Variants in MED13L observed in about 807,000 individuals in gnomAD.
The protein encoded by MED13L is mediator complex subunit 13L.
In MED13L, 7 loss-of-function variants were observed where a neutral mutation model predicts 220.9. The ratio of observed to expected loss-of-function variants is 0.03; its 90% CI spans 0.02 to 0.06. The LOEUF is 0.06. Ranked by LOEUF, MED13L falls within the 10% of genes least tolerant of loss-of-function variation. MED13L has a pLI of 1.00. For synonymous variants in MED13L, 1,011 were observed against 1,015.2 expected, an observed-to-expected ratio of 1.00 and a Z score of 0.08; for missense variants, 1,965 against 2,760.5, an observed-to-expected ratio of 0.71 and a Z score of 6.46.
intron 4 of MED13L, among the ~76,000 whole-genome samples, chr12:116,061,947 G>A (rs571768417): frequency 1.4e-5 from 2 of 146,492 alleles, no homozygotes; most frequent in East Asian, 4.2e-4. Flanking sequence ...GGCAGAGCTT[G>A]CAGTGAGCCG....
chr12:116,166,156 G>A (rs893837730), intron 2 of MED13L, among the ~76,000 whole-genome samples: 4 of 152,198 alleles, frequency 2.6e-5, no homozygotes, highest in Non-Finnish European at 4.4e-5. Context: ...TTGAGGCCAG[G>A]AGGTGAAGAA....
chr12:116,091,205 T>C (rs935509754), intron 4 of MED13L, among the ~76,000 whole-genome samples: 10 of 152,000 alleles, frequency 6.6e-5, no homozygotes, highest in Non-Finnish European at 1.5e-4. Context: ...GTATCTCTTT[T>C]ACTATAAGGT....
chr12:116,005,957 G>A lies in MED13L; in HGVS notation c.2381C>T (p.Ser794Phe). Residue 794 changes from serine (S) to phenylalanine (F), a missense_variant, in exon 13 of 31, where the codon TCC becomes TTC. Ser to Phe is a radical substitution (Grantham distance 155). This residue lies in a region of MED13L where 818 missense variants were observed against 1,041.2 expected (regional missense o/e 0.79). Transcript: ENST00000281928. ...ATCTGTTACCTGTGTAAGGCTACTG[G>A]AGCCAGCTCTGCCAGCAGCATTATC... ...RQDNAAGRAG[S>F]SSLTQVTDLA... 6.2e-7 allele frequency: 1 copy of A among 1,613,942 alleles called. No homozygotes were observed. The highest frequency in any genetic ancestry group is 8.5e-7 in the Non-Finnish European group (1 of 1,179,876).
intron 20 of MED13L, among the ~76,000 whole-genome samples, chr12:115,983,852 C>T (rs1877505534): frequency 1.3e-5 from 2 of 152,178 alleles, no homozygotes; most frequent in African/African-American, 2.4e-5. Flanking sequence ...CCACAGTCAT[C>T]ATGGGACATT....
At chr12:115,963,836 G>A (rs999033879) in intron 29 of MED13L, among the ~76,000 whole-genome samples, 43 of 151,920 alleles carry the variant, frequency 2.8e-4, no homozygotes, top group African/African-American at 9.4e-4. Context: ...AATTGATATC[G>A]CCAAGATGCA....
chr12:116,081,789 C>T (rs1871256265), intron 4 of MED13L, among the ~76,000 whole-genome samples: 3 of 152,160 alleles, frequency 2.0e-5, no homozygotes, highest in Non-Finnish European at 2.9e-5. Flanking sequence ...ATCACCTGAG[C>T]CCAGAAAGTT....
intron 4 of MED13L, among the ~76,000 whole-genome samples, chr12:116,069,290 C>T (rs906662791): frequency 6.6e-6 from 1 of 152,190 alleles, no homozygotes; most frequent in Non-Finnish European, 1.5e-5. Context: ...ACTCCCTTCA[C>T]ATATCACTGT....
At chr12:116,037,183 A>G (rs1316557933) in intron 4 of MED13L, among the ~76,000 whole-genome samples, 1 of 152,184 alleles carries the variant, frequency 6.6e-6, no homozygotes, top group East Asian at 1.9e-4. Flanking sequence ...ACCTATACCT[A>G]CATAAACACA....
chr12:116,186,195 G>C (rs1240623394), intron 2 of MED13L, among the ~76,000 whole-genome samples: 2 of 152,080 alleles, frequency 1.3e-5, no homozygotes, highest in Non-Finnish European at 2.9e-5. Context: ...TATAATTATT[G>C]CATAAAACAT....
chr12:116,005,760 A>G lies in MED13L; in HGVS notation c.2469+109T>C, dbSNP rs1383117550. 4.9e-5 allele frequency: 68 copies of G among 1,396,170 alleles called. 2 individuals are homozygous for G. The South Asian group carries it at 6.8e-4, about 14-fold the overall frequency. The allele number at this position is 1,396,170 out of a possible 1,614,324, so 86.5% of individuals were successfully genotyped here. ...TTATAAAGAACATTCAGAACCTGAAATAAGAGCCCCCAAATTCAGGACACC... is the reference window on the plus strand; with the variant it reads ...TTATAAAGAACATTCAGAACCTGAAGTAAGAGCCCCCAAATTCAGGACACC... On this transcript the variant is annotated intron_variant, in intron 13 of 30. Transcript: ENST00000281928.
chr12:115,967,193 A>AAAC (rs1876237215), intron 28 of MED13L, among the ~76,000 whole-genome samples: 1 of 151,542 alleles, frequency 6.6e-6, no homozygotes, highest in Non-Finnish European at 1.5e-5. Context: ...AAAAAAAAAA[A>AAAC]AAACCTTCTG....
intron 4 of MED13L, among the ~76,000 whole-genome samples, chr12:116,079,019 G>A (rs189690474): frequency 4.6e-5 from 7 of 152,194 alleles, no homozygotes; most frequent in East Asian, 3.9e-4. Context: ...GAATTGTGAC[G>A]TCAAAAGACT....
At chr12:116,097,527 C>T (rs905032453) in intron 3 of MED13L, among the ~76,000 whole-genome samples, 5 of 152,026 alleles carry the variant, frequency 3.3e-5, no homozygotes, top group Non-Finnish European at 5.9e-5. Flanking sequence ...ATACTTTTTA[C>T]GTGATGAGGA....
intron 1 of MED13L, among the ~76,000 whole-genome samples, chr12:116,264,445 T>C (rs529661296): frequency 6.6e-6 from 1 of 152,322 alleles, no homozygotes; most frequent in South Asian, 2.1e-4. Context: ...ACTAACAAAA[T>C]GGAAAATTTC....
At chr12:116,122,475 G>T (rs937364930) in intron 2 of MED13L, among the ~76,000 whole-genome samples, 1 of 152,104 alleles carries the variant, frequency 6.6e-6, no homozygotes, top group South Asian at 2.1e-4. Context: ...TTAGAGCTCT[G>T]ATTTCTTGAA....
intron 4 of MED13L, among the ~76,000 whole-genome samples, chr12:116,093,140 C>G (rs904437308): frequency 2.0e-5 from 3 of 151,992 alleles, no homozygotes; most frequent in Admixed American, 1.3e-4. Flanking sequence ...GAATAATTTC[C>G]AAATGATTTT....
chr12:116,091,917 C>A (rs1057475499), intron 4 of MED13L, among the ~76,000 whole-genome samples: 8 of 152,144 alleles, frequency 5.3e-5, no homozygotes, highest in African/African-American at 1.9e-4. Context: ...TTTCTGTACC[C>A]ATTCTACAAA....
At chr12:115,995,665 C>T (rs1019873446) in intron 16 of MED13L, among the ~76,000 whole-genome samples, 3 of 152,126 alleles carry the variant, frequency 2.0e-5, no homozygotes, top group Non-Finnish European at 4.4e-5. Flanking sequence ...TCAAGCAATC[C>T]ATCCACCTCG....
At chr12:116,243,577 C>G (rs997811213) in intron 1 of MED13L, among the ~76,000 whole-genome samples, 14 of 151,718 alleles carry the variant, frequency 9.2e-5, no homozygotes, top group African/African-American at 2.9e-4. Context: ...ATACAATATA[C>G]AGGAAATGAG....
Sources: allele counts gnomAD v4.1 joint callset (sites outside exome capture counted in the v4.1 genomes callset), GRCh38; gene constraint gnomAD v4.1.1; regional missense constraint gnomAD v4.1.1; transcripts MANE v1.5; gene names NCBI Gene and HGNC (gene_info 2026-07-23, HGNC 2026-07-21).